Variants in ABCA13 observed in about 807,000 individuals in gnomAD.
ABCA13 encodes ATP-binding cassette sub-family A member 13.
Under a neutral mutation model 478.7 loss-of-function variants are expected in ABCA13, and 476 were observed. The observed-to-expected ratio is 0.99, with a 90% CI of 0.92 to 1.07. The LOEUF (loss-of-function observed/expected upper bound fraction) is 1.07, where lower values mean the gene tolerates loss of function less well. Among genes scored for constraint, ABCA13 ranks in the 50% least tolerant of loss-of-function variants. The pLI, the probability that ABCA13 is intolerant of heterozygous loss-of-function variation, is 0.00. For missense variants in ABCA13, 6,060 were observed against 5,910.6 expected, an observed-to-expected ratio of 1.03 and a Z score of -0.83; for synonymous variants, 2,252 against 2,158.9, an observed-to-expected ratio of 1.04 and a Z score of -1.20.
intron 45 of ABCA13, among the ~76,000 whole-genome samples, chr7:48,472,138 A>G (rs1827566983): frequency 6.6e-6 from 1 of 152,206 alleles, no homozygotes; most frequent in Non-Finnish European, 1.5e-5. Context: ...ACTCATCTCA[A>G]AGAAAATCTC....
intron 59 of ABCA13, among the ~76,000 whole-genome samples, chr7:48,621,698 C>G (rs903665308): frequency 6.6e-6 from 1 of 152,108 alleles, no homozygotes; most frequent in Non-Finnish European, 1.5e-5. Flanking sequence ...GATTGGTATT[C>G]CAATGTATTT....
intron 22 of ABCA13, 72 bp from the exon 23 acceptor site, chr7:48,298,294 A>G (rs1232595709): frequency 7.2e-7 from 1 of 1,394,462 alleles, no homozygotes. Flanking sequence ...TTGTAATATC[A>G]AATTTTGTTT....
At chr7:48,458,109 A>G (rs1208376851) in intron 43 of ABCA13, among the ~76,000 whole-genome samples, 2 of 152,110 alleles carry the variant, frequency 1.3e-5, no homozygotes, top group Admixed American at 1.3e-4. Flanking sequence ...TCTGAAGACA[A>G]CCCCTGTTGT....
At chr7:48,322,082 C>T (rs533662712) in intron 27 of ABCA13, among the ~76,000 whole-genome samples, 5 of 152,346 alleles carry the variant, frequency 3.3e-5, no homozygotes, top group Non-Finnish European at 7.3e-5. Flanking sequence ...GGATCAGCTA[C>T]AGGAAATAGA....
chr7:48,306,227 T>A (rs1451550520), intron 23 of ABCA13, among the ~76,000 whole-genome samples: 1 of 152,192 alleles, frequency 6.6e-6, no homozygotes, highest in Admixed American at 6.5e-5. Context: ...CCTCTCTATT[T>A]GGTAAAAAGA....
At chr7:48,403,249 G>A (rs1003796616) in intron 38 of ABCA13, among the ~76,000 whole-genome samples, 1 of 152,236 alleles carries the variant, frequency 6.6e-6, no homozygotes, top group African/African-American at 2.4e-5. Context: ...ACAGTGGCCA[G>A]GGAGTGAAGG....
intron 42 of ABCA13, among the ~76,000 whole-genome samples, chr7:48,444,039 G>A (rs1161094847): frequency 3.9e-5 from 6 of 152,008 alleles, no homozygotes; most frequent in Non-Finnish European, 4.4e-5. Context: ...CTGTTACAGA[G>A]TAGGGCCCTC....
chr7:48,201,841 T>C (rs1562766026), intron 3 of ABCA13, among the ~76,000 whole-genome samples: 1 of 152,228 alleles, frequency 6.6e-6, no homozygotes, highest in Non-Finnish European at 1.5e-5. Context: ...TGGTAAGTGT[T>C]ACAGCTCTTA....
chr7:48,216,257 T>C (rs969571761), intron 3 of ABCA13, among the ~76,000 whole-genome samples: 28 of 152,288 alleles, frequency 1.8e-4, no homozygotes, highest in African/African-American at 6.5e-4. Context: ...CCAATACTTA[T>C]ATTTCTGTTC....
At chr7:48,573,027 A>C (rs1333392730) in intron 55 of ABCA13, among the ~76,000 whole-genome samples, 1 of 152,126 alleles carries the variant, frequency 6.6e-6, no homozygotes, top group East Asian at 1.9e-4. Context: ...ATAATATACT[A>C]AAATTTTATT....
At chr7:48,631,683 A>C (rs1165227735) in intron 59 of ABCA13, among the ~76,000 whole-genome samples, 1 of 151,666 alleles carries the variant, frequency 6.6e-6, no homozygotes, top group Non-Finnish European at 1.5e-5. Flanking sequence ...GTTTTAGAAT[A>C]GTTTTTTTTT....
At chr7:48,561,083 A>ATATG (rs985684806) in intron 55 of ABCA13, among the ~76,000 whole-genome samples, 1 of 152,022 alleles carries the variant, frequency 6.6e-6, no homozygotes, top group Admixed American at 6.5e-5. Flanking sequence ...ATATGTATAT[A>ATATG]TATGTATGTA....
intron 49 of ABCA13, 27 bp downstream of exon 49, chr7:48,506,417 T>G: frequency 6.2e-7 from 1 of 1,609,996 alleles, no homozygotes; most frequent in Non-Finnish European, 8.5e-7. Context: ...CTGAGGGGTG[T>G]GTGACCCTGA....
rs1644393161 is a variant in ABCA13, at chr7:48,272,511, C to T, written c.2845C>T (p.His949Tyr). Reference protein sequence around the residue: ...QEVDKILTHIHLNVFQDKDSA... With the variant: ...QEVDKILTHIYLNVFQDKDSA... ...AGTTGATAAAATTTTGACTCACATACACCTAAATGTCTTCCAGGACAAGGA... is the reference window on the plus strand; with the variant it reads ...AGTTGATAAAATTTTGACTCACATATACCTAAATGTCTTCCAGGACAAGGA... Residue 949 changes from histidine to tyrosine, a missense_variant, in exon 17 of 62, where the codon CAC becomes TAC. By Grantham distance (83) the His-to-Tyr change is moderately conservative. Coordinates refer to ENST00000435803, the MANE Select transcript of ABCA13 (RefSeq NM_152701.5). 6.2e-7 allele frequency: 1 copy of T among 1,613,690 alleles called. No homozygotes were observed. The highest frequency in any genetic ancestry group is 1.3e-5 in the African/African-American group (1 of 74,918).
At chr7:48,363,258 T>A in intron 31 of ABCA13, among the ~76,000 whole-genome samples, 1 of 152,200 alleles carries the variant, frequency 6.6e-6, no homozygotes, top group East Asian at 1.9e-4. Flanking sequence ...CTTGGTTCAT[T>A]CCTTCCTTAA....
At chr7:48,261,495 T>C (rs552287698) in intron 15 of ABCA13, among the ~76,000 whole-genome samples, 1 of 152,026 alleles carries the variant, frequency 6.6e-6, no homozygotes, top group African/African-American at 2.4e-5. Flanking sequence ...GAACTCCTGT[T>C]AGCCATCAGT....
intron 23 of ABCA13, 137 bp downstream of exon 23, chr7:48,298,624 A>G (rs775678253): frequency 6.0e-5 from 62 of 1,030,436 alleles, no homozygotes; most frequent in East Asian, 1.7e-4. Context: ...CACAAATGAT[A>G]TAATTGGAGG....
chr7:48,634,950 G>A (rs1794507852), intron 59 of ABCA13, among the ~76,000 whole-genome samples: 1 of 152,024 alleles, frequency 6.6e-6, no homozygotes, highest in South Asian at 2.1e-4. Flanking sequence ...ACAATATCAT[G>A]GGCATAAATT....
chr7:48,192,222 G>T (rs1797201611), intron 1 of ABCA13, among the ~76,000 whole-genome samples: 1 of 151,436 alleles, frequency 6.6e-6, no homozygotes, highest in East Asian at 1.9e-4. Context: ...AATTCCATGT[G>T]TGAAATGATT....
Sources: allele counts gnomAD v4.1 joint callset (sites outside exome capture counted in the v4.1 genomes callset), GRCh38; gene constraint gnomAD v4.1.1; transcripts MANE v1.5; gene names NCBI Gene and HGNC (gene_info 2026-07-23, HGNC 2026-07-21).